Variants in CDH13 observed in about 807,000 individuals in gnomAD.
CDH13 encodes the protein cadherin-13.
CDH13 carries 24 observed loss-of-function variants against 63.8 expected under a neutral mutation model. The ratio of observed to expected loss-of-function variants is 0.38; its 90% CI spans 0.27 to 0.53. The LOEUF is 0.53. CDH13 is among the 20% of genes least tolerant of loss of function. The pLI, the probability that CDH13 is intolerant of heterozygous loss-of-function variation, is 0.85. For missense variants in CDH13, 1,049 were observed against 903.1 expected, an observed-to-expected ratio of 1.16 and a Z score of -2.07; for synonymous variants, 503 against 355.3, an observed-to-expected ratio of 1.42 and a Z score of -4.67.
intron 4 of CDH13, among the ~76,000 whole-genome samples, chr16:83,198,151 T>G (rs1199245761): frequency 6.6e-6 from 1 of 152,260 alleles, no homozygotes; most frequent in South Asian, 2.1e-4. Flanking sequence ...ATTTTCCTAG[T>G]GAGCATGTGT....
At chr16:83,654,523 A>T (rs2150825956) in intron 8 of CDH13, among the ~76,000 whole-genome samples, 1 of 152,184 alleles carries the variant, frequency 6.6e-6, no homozygotes, top group East Asian at 1.9e-4. Context: ...AGAGGAGAAG[A>T]AGCACAAGAG....
chr16:82,853,606 A>G (rs1000404646), intron 1 of CDH13, among the ~76,000 whole-genome samples: 9 of 152,336 alleles, frequency 5.9e-5, no homozygotes, highest in African/African-American at 1.9e-4. Context: ...CACTGAACCA[A>G]CGTGGCTTAA....
intron 1 of CDH13, among the ~76,000 whole-genome samples, chr16:82,680,344 C>A (rs1247013493): frequency 6.6e-6 from 1 of 152,192 alleles, no homozygotes; most frequent in Non-Finnish European, 1.5e-5. Flanking sequence ...CATTCACATT[C>A]TACACATCAT....
chr16:82,888,999 C>T (rs1287811574), intron 2 of CDH13, among the ~76,000 whole-genome samples: 1 of 152,104 alleles, frequency 6.6e-6, no homozygotes, highest in Non-Finnish European at 1.5e-5. Flanking sequence ...TAACAGTTTG[C>T]CTTATTTACT....
At chr16:83,758,709 C>A (rs1423839) in intron 11 of CDH13, among the ~76,000 whole-genome samples, 79,995 of 151,936 alleles carry the variant, frequency 0.53, 22,550 homozygotes, top group Non-Finnish European at 0.63. Flanking sequence ...TCAGTATACA[C>A]AATTAATTGT....
intron 6 of CDH13, among the ~76,000 whole-genome samples, chr16:83,400,177 G>A (rs1231614972): frequency 1.3e-5 from 2 of 151,876 alleles, no homozygotes; most frequent in Non-Finnish European, 2.9e-5. Flanking sequence ...AAACTTAGAG[G>A]GAGTCTTGGG....
intron 7 of CDH13, among the ~76,000 whole-genome samples, chr16:83,600,304 G>A (rs548230610): frequency 3.9e-5 from 6 of 152,270 alleles, no homozygotes; most frequent in East Asian, 3.9e-4. Flanking sequence ...AACATGAGGC[G>A]TAGAGCCATC....
At chr16:83,758,944 T>A (rs1913732436) in intron 11 of CDH13, among the ~76,000 whole-genome samples, 1 of 152,210 alleles carries the variant, frequency 6.6e-6, no homozygotes, top group African/African-American at 2.4e-5. Flanking sequence ...CTCAATGGTA[T>A]TGAAATGACA....
chr16:83,320,213 CT>C (rs113647238), intron 5 of CDH13, among the ~76,000 whole-genome samples: 2,096 of 145,308 alleles, frequency 0.014, 29 homozygotes, highest in African/African-American at 0.044. Context: ...ATAATTGTTC[CT>C]TTTTTTTTTT....
chr16:82,682,800 C>G (rs1215340670), intron 1 of CDH13, among the ~76,000 whole-genome samples: 1 of 152,126 alleles, frequency 6.6e-6, no homozygotes, highest in Non-Finnish European at 1.5e-5. Flanking sequence ...AAGGCCTAGC[C>G]CTCTGCTCTT....
chr16:82,951,259 A>G (rs1281013641), intron 2 of CDH13, among the ~76,000 whole-genome samples: 3 of 152,132 alleles, frequency 2.0e-5, no homozygotes, highest in Admixed American at 1.3e-4. Context: ...CCCTCACCCC[A>G]TCCCAATCTC....
chr16:83,273,374 C>T (rs1214061890), intron 5 of CDH13, among the ~76,000 whole-genome samples: 1 of 151,850 alleles, frequency 6.6e-6, no homozygotes, highest in Non-Finnish European at 1.5e-5. Flanking sequence ...TCTTTTGTTC[C>T]CGTCTTAGTG....
At chr16:83,625,977 G>C (rs1175184099) in intron 8 of CDH13, among the ~76,000 whole-genome samples, 1 of 151,494 alleles carries the variant, frequency 6.6e-6, no homozygotes, top group Admixed American at 6.6e-5. Flanking sequence ...AAGCAACACT[G>C]TCACAGGTAA....
At chr16:83,286,482 C>T (rs576422222) in intron 5 of CDH13, among the ~76,000 whole-genome samples, 2 of 152,060 alleles carry the variant, frequency 1.3e-5, no homozygotes, top group African/African-American at 2.4e-5. Flanking sequence ...AAAAATATAT[C>T]CTATTCTTCA....
At chr16:83,498,369 A>G (rs529174104) in intron 7 of CDH13, among the ~76,000 whole-genome samples, 2 of 152,230 alleles carry the variant, frequency 1.3e-5, no homozygotes, top group Admixed American at 6.5e-5. Context: ...AGATTATTCT[A>G]GAGCCACCTG....
At chr16:83,009,524 C>G (rs1217819250) in intron 2 of CDH13, among the ~76,000 whole-genome samples, 1 of 152,266 alleles carries the variant, frequency 6.6e-6, no homozygotes, top group East Asian at 1.9e-4. Flanking sequence ...TATAGATCAT[C>G]AAATTGAGGA....
At chr16:83,411,837 G>C (rs916848466) in intron 6 of CDH13, among the ~76,000 whole-genome samples, 4 of 152,214 alleles carry the variant, frequency 2.6e-5, no homozygotes, top group South Asian at 4.1e-4. Flanking sequence ...ACTGGCATCT[G>C]ACTTCTCATT....
At chr16:83,440,782 C>G (rs1216666072) in intron 6 of CDH13, among the ~76,000 whole-genome samples, 1 of 35,656 alleles carries the variant, frequency 2.8e-5, no homozygotes, top group African/African-American at 1.2e-4. Flanking sequence ...GAGACTTCAT[C>G]TCAAAAAAAA....
chr16:82,639,992 G>C (rs766011762), intron 1 of CDH13, among the ~76,000 whole-genome samples: 1 of 152,202 alleles, frequency 6.6e-6, no homozygotes, highest in Non-Finnish European at 1.5e-5. Context: ...AATATCTCAA[G>C]CACAATTCTC....
Sources: allele counts gnomAD v4.1 joint callset (sites outside exome capture counted in the v4.1 genomes callset), GRCh38; gene constraint gnomAD v4.1.1; transcripts MANE v1.5; gene names NCBI Gene and HGNC (gene_info 2026-07-23, HGNC 2026-07-21).